ST8SIA6: variants seen among roughly 807,000 people sequenced by gnomAD.
The protein encoded by ST8SIA6 is ST8 alpha-N-acetyl-neuraminide alpha-2,8-sialyltransferase 6, also known as alpha-2,8-sialyltransferase 8F.
A neutral mutation model predicts 33.6 loss-of-function variants in ST8SIA6; 39 were observed. The observed-to-expected ratio is 1.16, with a 90% CI of 0.90 to 1.52. ST8SIA6 has a LOEUF of 1.52. ST8SIA6 is among the 40% of genes most tolerant of loss of function. The pLI is 0.00. For synonymous variants in ST8SIA6, 172 were observed against 167.2 expected (o/e 1.03, Z -0.22); for missense variants, 441 against 443.8 (o/e 0.99, Z 0.06).
At chr10:17,383,415 A>T (rs1850227110) in intron 3 of ST8SIA6, among the ~76,000 whole-genome samples, 1 of 152,214 alleles carries the variant, frequency 6.6e-6, no homozygotes, top group Admixed American at 6.5e-5. Flanking sequence ...TTGTATAAAT[A>T]TGTTATTGAT....
rs145968957 is a variant in ST8SIA6 at position 17,449,271 on chromosome 10, C to T, written c.200+4288G>A. Among the ~76,000 whole-genome samples the T allele has an allele frequency of 1.8e-3, 271 of 151,810 alleles. 1 individual carries two copies. Among genetic ancestry groups the T allele is most frequent in the Non-Finnish European group, 2.8e-3 (192 of 67,918 alleles). The stretch of plus-strand genomic sequence containing the variant: ...TAAAAGTACCACAAAGGAAATAGAA[C>T]ATGAAAATATATATAAATTGAGAAA... On this transcript the variant is annotated intron_variant, in intron 2 of 7. Transcript: ENST00000377602.
chr10:17,328,014 T>C (rs1216272802), intron 5 of ST8SIA6, among the ~76,000 whole-genome samples: 1 of 152,198 alleles, frequency 6.6e-6, no homozygotes. Flanking sequence ...CACGGCATAA[T>C]GTAATAATAC....
intron 3 of ST8SIA6, among the ~76,000 whole-genome samples, chr10:17,369,662 T>C (rs549914392): frequency 1.6e-4 from 23 of 147,836 alleles, no homozygotes; most frequent in African/African-American, 4.2e-4. Flanking sequence ...TATTGAAGTT[T>C]TGAATTATTA....
chr10:17,330,086 G>A (rs374079167), intron 5 of ST8SIA6, among the ~76,000 whole-genome samples: 73 of 152,180 alleles, frequency 4.8e-4, no homozygotes, highest in African/African-American at 1.5e-3. Context: ...ACAAAAATAG[G>A]GACCTGGCTC....
At position 17,316,123 on chromosome 10, in the gene ST8SIA6, T is replaced by C. The variant is rs190851653; in HGVS notation, c.*4755A>G. Among the ~76,000 whole-genome samples the C allele has an allele frequency of 2.0e-5, 3 of 152,122 alleles. No individual in the cohort carries two copies. Among genetic ancestry groups the C allele is most frequent in the Admixed American group, 2.0e-4 (3 of 15,264 alleles). On this transcript the variant is annotated 3_prime_UTR_variant, in exon 8 of 8. Transcript: ENST00000377602. ...CAAAGGCTTGCTGTATTAAATATAATAACATGTATATTTTTCTTCTTTATC... is the reference window on the plus strand; with the variant it reads ...CAAAGGCTTGCTGTATTAAATATAACAACATGTATATTTTTCTTCTTTATC...
At chr10:17,322,510 G>A (rs1037602659) in intron 7 of ST8SIA6, among the ~76,000 whole-genome samples, 1 of 152,050 alleles carries the variant, frequency 6.6e-6, no homozygotes, top group East Asian at 1.9e-4. Context: ...CTATTAGCAC[G>A]AACATATTCT....
chr10:17,418,877 C>G (rs966668138), intron 2 of ST8SIA6, among the ~76,000 whole-genome samples: 1 of 150,722 alleles, frequency 6.6e-6, no homozygotes, highest in Non-Finnish European at 1.5e-5. Context: ...CTTGTAATTC[C>G]AGCTACTGGG....
intron 2 of ST8SIA6, among the ~76,000 whole-genome samples, chr10:17,429,366 CA>C (rs1302257445): frequency 6.7e-6 from 1 of 150,144 alleles, no homozygotes; most frequent in Non-Finnish European, 1.5e-5. Context: ...GGCTGGAGTG[CA>C]GTGGCATGAA....
At chr10:17,445,516 C>G (rs1040102176) in intron 2 of ST8SIA6, among the ~76,000 whole-genome samples, 1 of 152,132 alleles carries the variant, frequency 6.6e-6, no homozygotes, top group Non-Finnish European at 1.5e-5. Context: ...TTTTGATTCT[C>G]CTCCCACCGT....
intron 3 of ST8SIA6, among the ~76,000 whole-genome samples, chr10:17,384,298 C>T (rs187544056): frequency 6.6e-6 from 1 of 152,316 alleles, no homozygotes; most frequent in East Asian, 1.9e-4. Context: ...TTTGATGGCA[C>T]AAATCCATGA....
rs777523400 is a variant in ST8SIA6, at chr10:17,390,556, C to G, written c.265G>C (p.Glu89Gln). ...EKCKNLQYGIESFSNKTKGYS... is the reference protein window; with the variant it reads ...EKCKNLQYGIQSFSNKTKGYS... The stretch of plus-strand genomic sequence containing the variant: ...CCTTTCGTTTTGTTAGAGAAAGACT[C>G]AATGCCATATTGCAGATTTTTGCAT... The change falls in exon 3 of 8, where the codon GAG becomes CAG. Residue 89 changes from glutamate (E) to glutamine (Q), a missense_variant. Coordinates refer to ENST00000377602, the MANE Select transcript of ST8SIA6 (RefSeq NM_001004470.3). 32 of 1,613,802 alleles carry G rather than the reference C, an allele frequency of 2.0e-5. No individual in the cohort carries two copies. Among genetic ancestry groups the G allele is most frequent in the Non-Finnish European group, 2.6e-5 (31 of 1,179,864 alleles).
intron 2 of ST8SIA6, among the ~76,000 whole-genome samples, chr10:17,401,856 C>T (rs1851053437): frequency 6.6e-6 from 1 of 151,996 alleles, no homozygotes; most frequent in South Asian, 2.1e-4. Flanking sequence ...CAATACCATT[C>T]AGGACATAGG....
At chr10:17,429,453 C>T (rs896087092) in intron 2 of ST8SIA6, among the ~76,000 whole-genome samples, 2 of 151,550 alleles carry the variant, frequency 1.3e-5, no homozygotes, top group African/African-American at 2.4e-5. Context: ...TTAGCTCGTC[C>T]CCGGAGACAC....
intron 6 of ST8SIA6, among the ~76,000 whole-genome samples, chr10:17,324,171 A>G (rs888125722): frequency 5.9e-5 from 9 of 152,186 alleles, no homozygotes; most frequent in African/African-American, 1.9e-4. Flanking sequence ...ACTGAATTTC[A>G]AGTAGTAAGG....
In ST8SIA6 at chr10:17,333,695, A is replaced by T. The variant is rs1234738518; in HGVS notation, c.378-2143T>A. On this transcript the variant is annotated intron_variant, in intron 4 of 7. Coordinates refer to ENST00000377602, the MANE Select transcript of ST8SIA6 (RefSeq NM_001004470.3). ...GGGATATATATATATATATATATATATATATATATATATATATATATATTT... is the reference window on the plus strand; with the variant it reads ...GGGATATATATATATATATATATATTTATATATATATATATATATATATTT... Among the ~76,000 whole-genome samples the T allele has an allele frequency of 1.1e-3, 23 of 20,950 alleles. 7 individuals are homozygous for T. Among genetic ancestry groups the T allele is most frequent in the Admixed American group, 1.8e-3 (3 of 1,696 alleles). The allele number at this position is 20,950 out of a possible 152,430, so 13.7% of individuals were successfully genotyped here.
intron 2 of ST8SIA6, among the ~76,000 whole-genome samples, chr10:17,400,208 G>C (rs918383752): frequency 1.3e-5 from 2 of 152,128 alleles, no homozygotes; most frequent in African/African-American, 2.4e-5. Context: ...TTATAAAATA[G>C]CTCCCACAGG....
intron 4 of ST8SIA6, among the ~76,000 whole-genome samples, chr10:17,339,988 G>A (rs1321206986): frequency 6.6e-6 from 1 of 152,170 alleles, no homozygotes; most frequent in Admixed American, 6.5e-5. Flanking sequence ...AAAAGGTTTA[G>A]AAAGATGACT....
intron 3 of ST8SIA6, chr10:17,387,040 GA>G (rs1252955523): frequency 6.6e-6 from 1 of 152,154 alleles, no homozygotes; most frequent in Non-Finnish European, 1.5e-5. Context: ...TTGCTCCAAA[GA>G]AAAGCCGGAT....
chr10:17,390,614 A>G lies in ST8SIA6; in HGVS notation c.207T>C (p.Tyr69=), dbSNP rs763909802. Residue 69 remains tyrosine (Y), a synonymous_variant, in exon 3 of 8, where the codon TAT becomes TAC. Transcript: ENST00000377602. ...TCAGTTGGAGCGACTTCTCATTCAG[A>G]TATGTGCTGTTTCATGAAAGAGATT... ...TAVPRATNST[Y]LNEKSLQLTE... The G allele has an allele frequency of 1.5e-5, 24 of 1,612,228 alleles. No homozygotes were observed. The highest frequency in any genetic ancestry group is 2.0e-5 in the Non-Finnish European group (23 of 1,178,890).
Sources: allele counts gnomAD v4.1 joint callset (sites outside exome capture counted in the v4.1 genomes callset), GRCh38; gene constraint gnomAD v4.1.1; transcripts MANE v1.5; gene names NCBI Gene and HGNC (gene_info 2026-07-23, HGNC 2026-07-21).